Variants in DRC11 observed in about 807,000 individuals in gnomAD.
DRC11 encodes the protein dynein regulatory complex subunit 11, also known as IQ and AAA domain-containing protein 1.
At chr2:236,327,389 C>T in the DRC11 span, among the ~76,000 whole-genome samples, 8 of 151,776 alleles carry the variant, frequency 5.3e-5, no homozygotes, top group African/African-American at 1.9e-4. Flanking sequence ...GGACTACACA[C>T]GTGCACCACC....
At chr2:236,343,369 T>C in the DRC11 span, among the ~76,000 whole-genome samples, 1 of 152,156 alleles carries the variant, frequency 6.6e-6, no homozygotes, top group Non-Finnish European at 1.5e-5. This position sits in a 1 kb window ranked among gnomAD's most constrained non-coding sequence, Gnocchi z 6.6. Flanking sequence ...TGTGGGAGAA[T>C]GCAGGGGGCT....
chr2:236,485,787 C>G, the DRC11 span, among the ~76,000 whole-genome samples: 1 of 152,290 alleles, frequency 6.6e-6, no homozygotes, highest in African/African-American at 2.4e-5. Context: ...AGAGAATGGG[C>G]TCCTGTGGGA....
At chr2:236,469,739 T>C in the DRC11 span, among the ~76,000 whole-genome samples, 1 of 152,246 alleles carries the variant, frequency 6.6e-6, no homozygotes, top group Non-Finnish European at 1.5e-5. The surrounding 1 kb of genome is among the most constrained non-coding windows in gnomAD (Gnocchi z 5.8). Flanking sequence ...GCTTTTCCTT[T>C]GGGCTAAAAC....
the DRC11 span, among the ~76,000 whole-genome samples, chr2:236,416,721 T>TTTTATATATATA: frequency 3.1e-5 from 2 of 64,248 alleles, no homozygotes; most frequent in Non-Finnish European, 5.8e-5. Context: ...ATATATATAT[T>TTTTATATATATA]TATATATATA....
the DRC11 span, among the ~76,000 whole-genome samples, chr2:236,425,905 G>A: frequency 6.6e-6 from 1 of 151,864 alleles, no homozygotes; most frequent in Non-Finnish European, 1.5e-5. Context: ...TTCTTCCATT[G>A]TGTGTTCTTG....
the DRC11 span, among the ~76,000 whole-genome samples, chr2:236,361,464 G>T: frequency 2.0e-5 from 3 of 151,452 alleles, no homozygotes; most frequent in African/African-American, 7.3e-5. The surrounding 1 kb of genome is among the most constrained non-coding windows in gnomAD (Gnocchi z 5.7). Flanking sequence ...ACCATGAAAT[G>T]CAAAAATAAC....
the DRC11 span, chr2:236,338,149 A>G: frequency 1.3e-6 from 2 of 1,549,784 alleles, no homozygotes; most frequent in South Asian, 2.4e-5. Flanking sequence ...TGGCAAGCAC[A>G]CAGTGGACAG....
the DRC11 span, among the ~76,000 whole-genome samples, chr2:236,312,868 C>T: frequency 0.012 from 1,892 of 152,076 alleles, 18 homozygotes; most frequent in Non-Finnish European, 0.017. Context: ...AAATAGGACA[C>T]TATTTCAGGT....
the DRC11 span, chr2:236,331,303 G>T: frequency 8.3e-7 from 1 of 1,202,540 alleles, no homozygotes; most frequent in Non-Finnish European, 1.2e-6. The surrounding 1 kb of genome is among the most constrained non-coding windows in gnomAD (Gnocchi z 4.8). Flanking sequence ...GCAGAGGGAG[G>T]AGGCAGCGTG....
the DRC11 span, among the ~76,000 whole-genome samples, chr2:236,389,295 T>C: frequency 1.3e-5 from 2 of 152,198 alleles, no homozygotes; most frequent in African/African-American, 4.8e-5. Context: ...CTCAGACTGC[T>C]GTGCTAGCAA....
At chr2:236,351,407 A>G in the DRC11 span, among the ~76,000 whole-genome samples, 9 of 152,084 alleles carry the variant, frequency 5.9e-5, no homozygotes, top group South Asian at 1.9e-3. This position sits in a 1 kb window ranked among gnomAD's most constrained non-coding sequence, Gnocchi z 7.3. Flanking sequence ...TGGTCTGGAG[A>G]GGGGGAAGCA....
At chr2:236,486,480 G>GA in the DRC11 span, among the ~76,000 whole-genome samples, 2,310 of 142,218 alleles carry the variant, frequency 0.016, 68 homozygotes, top group African/African-American at 0.053. The surrounding 1 kb of genome is among the most constrained non-coding windows in gnomAD (Gnocchi z 5.7). Flanking sequence ...ACCAGCACCA[G>GA]AAAAAAAAAA....
the DRC11 span, among the ~76,000 whole-genome samples, chr2:236,395,460 C>T: frequency 6.6e-6 from 1 of 152,166 alleles, no homozygotes; most frequent in Non-Finnish European, 1.5e-5. Flanking sequence ...TGTGGAAGTT[C>T]GTTCTTTGCT....
chr2:236,479,999 C>T, the DRC11 span, among the ~76,000 whole-genome samples: 17 of 148,832 alleles, frequency 1.1e-4, no homozygotes, highest in African/African-American at 1.7e-4. The surrounding 1 kb of genome is among the most constrained non-coding windows in gnomAD (Gnocchi z 4.1). Flanking sequence ...AGCTTTGTTG[C>T]GTGCAGTATT....
At chr2:236,386,213 A>G in the DRC11 span, among the ~76,000 whole-genome samples, 1 of 150,396 alleles carries the variant, frequency 6.6e-6, no homozygotes, top group African/African-American at 2.4e-5. Context: ...TTTTCTATTG[A>G]TTGGAATAGT....
chr2:236,312,758 G>T, the DRC11 span, among the ~76,000 whole-genome samples: 2 of 151,848 alleles, frequency 1.3e-5, no homozygotes, highest in South Asian at 4.1e-4. Flanking sequence ...AAAAAAACTG[G>T]CTCTCTGAAT....
At chr2:236,339,615 C>G in the DRC11 span, among the ~76,000 whole-genome samples, 41 of 152,194 alleles carry the variant, frequency 2.7e-4, no homozygotes, top group African/African-American at 8.9e-4. Flanking sequence ...CCAACTCTTT[C>G]TTTTGCAGGC....
At chr2:236,341,864 C>A in the DRC11 span, among the ~76,000 whole-genome samples, 1 of 152,226 alleles carries the variant, frequency 6.6e-6, no homozygotes, top group East Asian at 1.9e-4. Context: ...ACAGGGAAAA[C>A]AATGCCTTCC....
the DRC11 span, chr2:236,343,878 T>C: frequency 7.5e-6 from 4 of 535,574 alleles, no homozygotes; most frequent in Non-Finnish European, 9.9e-6. The surrounding 1 kb of genome is among the most constrained non-coding windows in gnomAD (Gnocchi z 6.6). Context: ...TTTATCCAAA[T>C]CATCTCTACC....
Sources: gnomAD v4.1 joint callset for allele counts (sites outside exome capture counted in the v4.1 genomes callset) on GRCh38, gnomAD v4.1.1 for gene constraint, Gnocchi (gnomAD v3.1) non-coding constraint, MANE v1.5 for transcripts, NCBI Gene and HGNC (gene_info 2026-07-23, HGNC 2026-07-21) for gene names.